The following CSTPP1 variants were observed in gnomAD, a reference collection of about 807,000 sequenced individuals.
CSTPP1 encodes centriolar satellite-associated tubulin polyglutamylase complex regulator 1, also known as UPF0705 protein C11orf49.
At chr11:47,157,680 AT>A in the CSTPP1 span, 1 of 664,454 alleles carries the variant, frequency 1.5e-6, no homozygotes, top group East Asian at 3.3e-5. Flanking sequence ...TGAAGGCCTG[AT>A]CCCCCAGGGC....
the CSTPP1 span, chr11:47,161,108 G>GC: frequency 3.7e-6 from 6 of 1,614,058 alleles, no homozygotes; most frequent in Non-Finnish European, 5.1e-6. Flanking sequence ...TAACTACTGT[G>GC]CCCCCAATGA....
chr11:47,038,085 G>A, the CSTPP1 span, among the ~76,000 whole-genome samples: 1 of 91,204 alleles, frequency 1.1e-5, no homozygotes, highest in African/African-American at 3.0e-5. Context: ...CGGATGGGGC[G>A]GCTGGCCGGG....
chr11:47,160,080 T>C, the CSTPP1 span: 6 of 203,750 alleles, frequency 2.9e-5, no homozygotes, highest in African/African-American at 9.5e-5. Flanking sequence ...AGCAAGAGGA[T>C]TGCTTGAGCC....
chr11:46,938,412 G>A, the CSTPP1 span, among the ~76,000 whole-genome samples: 33 of 150,148 alleles, frequency 2.2e-4, no homozygotes, highest in East Asian at 6.4e-3. Flanking sequence ...TTACATTAGG[G>A]TTCTTTGTGT....
At chr11:46,970,934 A>T in the CSTPP1 span, among the ~76,000 whole-genome samples, 1 of 152,230 alleles carries the variant, frequency 6.6e-6, no homozygotes, top group African/African-American at 2.4e-5. Context: ...CGATGTAGCC[A>T]TTACAAAGAA....
At chr11:47,038,255 A>T in the CSTPP1 span, among the ~76,000 whole-genome samples, 1 of 100,920 alleles carries the variant, frequency 9.9e-6, no homozygotes, top group Admixed American at 1.0e-4. Flanking sequence ...CACTTCCCGG[A>T]TGGGGCGGCT....
chr11:47,018,215 A>G, the CSTPP1 span, among the ~76,000 whole-genome samples: 5 of 152,050 alleles, frequency 3.3e-5, no homozygotes, highest in East Asian at 5.8e-4. Context: ...TTCTGTGTGA[A>G]CATACATTTT....
the CSTPP1 span, chr11:47,160,803 C>T: frequency 2.7e-6 from 1 of 373,380 alleles, no homozygotes; most frequent in Non-Finnish European, 5.0e-6. Context: ...CAGCCCAGTA[C>T]CTGAGGCCTC....
chr11:47,158,461 G>A, the CSTPP1 span, among the ~76,000 whole-genome samples: 61 of 152,082 alleles, frequency 4.0e-4, no homozygotes, highest in Non-Finnish European at 7.9e-4. Flanking sequence ...CCACCCCACT[G>A]TTCCTCCTCC....
chr11:47,130,192 G>A, the CSTPP1 span, among the ~76,000 whole-genome samples: 2 of 151,376 alleles, frequency 1.3e-5, no homozygotes, highest in Non-Finnish European at 2.9e-5. Flanking sequence ...GGGAGGCAGC[G>A]TTTGCAGTGA....
the CSTPP1 span, among the ~76,000 whole-genome samples, chr11:47,154,793 A>C: frequency 6.6e-6 from 1 of 152,346 alleles, no homozygotes; most frequent in Non-Finnish European, 1.5e-5. Context: ...TCCTCACGGC[A>C]GAATGAAAGG....
chr11:47,125,316 T>C, the CSTPP1 span, among the ~76,000 whole-genome samples: 1 of 152,160 alleles, frequency 6.6e-6, no homozygotes, highest in Non-Finnish European at 1.5e-5. Flanking sequence ...GCTAGTGGAT[T>C]CTGACGAGAA....
the CSTPP1 span, chr11:47,157,166 G>A: frequency 3.7e-6 from 6 of 1,611,522 alleles, no homozygotes; most frequent in South Asian, 1.1e-5. Flanking sequence ...GGGCGTGGAG[G>A]CGTCGCTGTT....
chr11:47,066,624 A>G, the CSTPP1 span, among the ~76,000 whole-genome samples: 1 of 152,250 alleles, frequency 6.6e-6, no homozygotes, highest in Non-Finnish European at 1.5e-5. Flanking sequence ...TATAAAGTAG[A>G]TGATAATCAT....
chr11:47,164,279 G>C, the CSTPP1 span: 1 of 1,599,156 alleles, frequency 6.3e-7, no homozygotes, highest in Non-Finnish European at 8.5e-7. Flanking sequence ...TGGGCAGGGA[G>C]GCAGGATCCA....
chr11:47,094,635 A>G, the CSTPP1 span, among the ~76,000 whole-genome samples: 1 of 152,256 alleles, frequency 6.6e-6, no homozygotes, highest in Non-Finnish European at 1.5e-5. Context: ...TTAAACCTCA[A>G]TAAAGCTAAT....
At chr11:47,152,519 G>A in the CSTPP1 span, among the ~76,000 whole-genome samples, 2 of 152,030 alleles carry the variant, frequency 1.3e-5, no homozygotes, top group Admixed American at 6.6e-5. Flanking sequence ...AGGCTTCCGC[G>A]AGGCTGCGAG....
the CSTPP1 span, among the ~76,000 whole-genome samples, chr11:46,969,692 T>C: frequency 1.3e-5 from 2 of 152,330 alleles, no homozygotes; most frequent in African/African-American, 4.8e-5. Flanking sequence ...TGTAATGAGA[T>C]TGAACAATGG....
the CSTPP1 span, among the ~76,000 whole-genome samples, chr11:47,143,466 G>A: frequency 6.6e-6 from 1 of 152,232 alleles, no homozygotes. Flanking sequence ...ACATGCAGCT[G>A]GAAGCCGGAG....
Sources: allele counts gnomAD v4.1 joint callset (sites outside exome capture counted in the v4.1 genomes callset), GRCh38; gene constraint gnomAD v4.1.1; transcripts MANE v1.5; gene names NCBI Gene and HGNC (gene_info 2026-07-23, HGNC 2026-07-21).